PCDH7: variants seen among roughly 807,000 people sequenced by gnomAD.
The protein encoded by PCDH7 is protocadherin 7.
PCDH7 carries 17 observed loss-of-function variants against 58.9 expected under a neutral mutation model. The observed-to-expected ratio is 0.29, with a 90% CI of 0.20 to 0.43. The LOEUF is 0.43. Among genes scored for constraint, PCDH7 ranks in the 20% least tolerant of loss-of-function variants. PCDH7 has a pLI of 1.00. For missense variants in PCDH7, 1,274 were observed against 1,441.0 expected, an observed-to-expected ratio of 0.88 and a Z score of 1.88; for synonymous variants, 664 against 616.4, an observed-to-expected ratio of 1.08 and a Z score of -1.14.
chr4:30,753,972 A>G (rs1284615215), intron 1 of PCDH7, among the ~76,000 whole-genome samples: 1 of 152,216 alleles, frequency 6.6e-6, no homozygotes, highest in Non-Finnish European at 1.5e-5. Flanking sequence ...AGTGTTACTG[A>G]TCATAGAAAC....
At chr4:30,827,430 A>G (rs1044694978) in intron 1 of PCDH7, among the ~76,000 whole-genome samples, 1 of 152,206 alleles carries the variant, frequency 6.6e-6, no homozygotes, top group Non-Finnish European at 1.5e-5. Context: ...AAAAAATACC[A>G]AAATATTCAC....
intron 3 of PCDH7, among the ~76,000 whole-genome samples, chr4:31,115,463 A>T (rs887675163): frequency 1.2e-4 from 18 of 152,148 alleles, no homozygotes; most frequent in African/African-American, 4.1e-4. Context: ...ATTTAATAAG[A>T]ATTCTTTATT....
At chr4:31,059,238 G>C (rs1307634570) in intron 3 of PCDH7, among the ~76,000 whole-genome samples, 3 of 151,788 alleles carry the variant, frequency 2.0e-5, no homozygotes, top group African/African-American at 7.3e-5. Flanking sequence ...TTTATTCTGA[G>C]GAGAAATGTT....
chr4:30,900,736 G>C (rs924684980), intron 1 of PCDH7, among the ~76,000 whole-genome samples: 1 of 152,158 alleles, frequency 6.6e-6, no homozygotes, highest in Non-Finnish European at 1.5e-5. Flanking sequence ...CATAGATATA[G>C]AAATGCTTCA....
intron 3 of PCDH7, among the ~76,000 whole-genome samples, chr4:31,089,012 A>T (rs964642970): frequency 2.6e-5 from 4 of 152,010 alleles, no homozygotes; most frequent in African/African-American, 9.7e-5. Context: ...GTGTGTTTGC[A>T]CTACATTTTT....
rs568408409 is a variant in PCDH7 at position 31,027,963 on chromosome 4, A to G, written c.*7+77748A>G. Among the ~76,000 whole-genome samples, 14 of 152,312 alleles carry G rather than the reference A, an allele frequency of 9.2e-5. No homozygotes were observed. The South Asian group carries it at 2.7e-3, about 29-fold the overall frequency. ...TGCTTCAGTTTCCTGTGGAAATTAA[A>G]TTAGCCAATTGAATTTTAGCTGCTG... On this transcript the variant is annotated intron_variant, in intron 3 of 3. Transcript: ENST00000509759.
At chr4:31,041,548 G>A (rs1043136626) in intron 3 of PCDH7, among the ~76,000 whole-genome samples, 1 of 152,074 alleles carries the variant, frequency 6.6e-6, no homozygotes, top group Non-Finnish European at 1.5e-5. Flanking sequence ...TCCTGAAGGA[G>A]CACGACACAG....
At chr4:30,834,279 A>C (rs1730186822) in intron 1 of PCDH7, among the ~76,000 whole-genome samples, 2 of 152,124 alleles carry the variant, frequency 1.3e-5, no homozygotes, top group African/African-American at 4.8e-5. Flanking sequence ...ATTCTTAATA[A>C]TTTTTGAACA....
chr4:30,940,504 T>G (rs1745897950), intron 2 of PCDH7, among the ~76,000 whole-genome samples: 1 of 152,062 alleles, frequency 6.6e-6, no homozygotes, highest in East Asian at 1.9e-4. Context: ...AAAATATTTT[T>G]TGTGCATTAT....
intron 1 of PCDH7, among the ~76,000 whole-genome samples, chr4:30,875,339 A>G (rs1414550587): frequency 6.6e-6 from 1 of 152,036 alleles, no homozygotes; most frequent in African/African-American, 2.4e-5. Flanking sequence ...CTCACTTTAC[A>G]TTGATTACCT....
chr4:30,838,277 G>C (rs1398065879), intron 1 of PCDH7, among the ~76,000 whole-genome samples: 1 of 152,074 alleles, frequency 6.6e-6, no homozygotes, highest in African/African-American at 2.4e-5. Context: ...TAGGCATGTG[G>C]TTCTCCCCAG....
chr4:30,796,303 A>G (rs1724764179), intron 1 of PCDH7, among the ~76,000 whole-genome samples: 1 of 152,196 alleles, frequency 6.6e-6, no homozygotes, highest in Admixed American at 6.5e-5. Context: ...GGACTTCCCC[A>G]GTAGTCACCG....
At chr4:31,030,851 G>A (rs752720205) in intron 3 of PCDH7, among the ~76,000 whole-genome samples, 6 of 152,132 alleles carry the variant, frequency 3.9e-5, no homozygotes, top group Non-Finnish European at 7.4e-5. Context: ...TTGTATAGGG[G>A]CAAAGAACAT....
At chr4:30,880,419 G>A (rs977548578) in intron 1 of PCDH7, among the ~76,000 whole-genome samples, 10 of 152,204 alleles carry the variant, frequency 6.6e-5, no homozygotes, top group African/African-American at 1.9e-4. Context: ...TGTAGAATAT[G>A]TGTAACTGTT....
chr4:30,749,151 C>T (rs555986042), intron 1 of PCDH7, among the ~76,000 whole-genome samples: 8 of 152,212 alleles, frequency 5.3e-5, no homozygotes, highest in African/African-American at 1.9e-4. Context: ...GATAATGTCT[C>T]CTTCTAAAAC....
intron 1 of PCDH7, among the ~76,000 whole-genome samples, chr4:30,876,825 T>G (rs1736345760): frequency 6.6e-6 from 1 of 151,966 alleles, no homozygotes; most frequent in Non-Finnish European, 1.5e-5. Context: ...GCCATGGTGG[T>G]TTGCTGTACC....
intron 2 of PCDH7, among the ~76,000 whole-genome samples, chr4:30,948,198 T>C (rs1746944851): frequency 1.3e-5 from 2 of 151,844 alleles, no homozygotes; most frequent in African/African-American, 2.4e-5. Flanking sequence ...AGTGCACTGC[T>C]AATTCATTAT....
chr4:30,797,591 A>C (rs2109303655), intron 1 of PCDH7, among the ~76,000 whole-genome samples: 1 of 152,246 alleles, frequency 6.6e-6, no homozygotes, highest in East Asian at 1.9e-4. Flanking sequence ...TACTTTTAAT[A>C]ATGAAATACT....
At chr4:30,777,298 T>C (rs1256938705) in intron 1 of PCDH7, among the ~76,000 whole-genome samples, 3 of 152,198 alleles carry the variant, frequency 2.0e-5, no homozygotes, top group African/African-American at 7.2e-5. Flanking sequence ...TAATTGAAAC[T>C]CTTAACATGT....
Sources: allele counts gnomAD v4.1 joint callset (sites outside exome capture counted in the v4.1 genomes callset), GRCh38; gene constraint gnomAD v4.1.1; transcripts MANE v1.5; gene names NCBI Gene and HGNC (gene_info 2026-07-23, HGNC 2026-07-21).